Variants in CDH13 observed in about 807,000 individuals in gnomAD.
CDH13 encodes the protein cadherin 13.
A neutral mutation model predicts 63.8 loss-of-function variants in CDH13; 24 were observed. The observed-to-expected ratio is 0.38, with a 90% confidence interval of 0.27 to 0.53. CDH13 has a LOEUF of 0.53. Among genes scored for constraint, CDH13 ranks in the 20% least tolerant of loss-of-function variants. The probability of loss-of-function intolerance (pLI) is 0.85; values close to 1 mark genes in which losing one functional copy is unlikely to be tolerated. For missense variants in CDH13, 1,049 were observed against 903.1 expected (o/e 1.16, Z -2.07); for synonymous variants, 503 against 355.3 (o/e 1.42, Z -4.67).
chr16:82,990,616 G>T (rs1284631133), intron 2 of CDH13, among the ~76,000 whole-genome samples: 3 of 149,728 alleles, frequency 2.0e-5, no homozygotes. Flanking sequence ...GCACAATCAC[G>T]GCTCACTGCC....
chr16:83,273,630 A>G (rs2088893375), intron 5 of CDH13, among the ~76,000 whole-genome samples: 1 of 152,214 alleles, frequency 6.6e-6, no homozygotes, highest in Non-Finnish European at 1.5e-5. Flanking sequence ...AGAAGCCAAC[A>G]GGGAGGCCCA....
chr16:83,667,366 C>T (rs764591472), intron 8 of CDH13, among the ~76,000 whole-genome samples: 10 of 152,014 alleles, frequency 6.6e-5, no homozygotes, highest in African/African-American at 2.2e-4. Flanking sequence ...TTATACATGG[C>T]CTAAATATTA....
Position 82,926,311 on chromosome 16 carries a change from A to T in CDH13, c.157+67838A>T, listed in dbSNP as rs9930035. On this transcript the variant is annotated intron_variant, in intron 2 of 13. Transcript: ENST00000567109. ...AAAAAAAAAAAGAAAAAAAAAGGCC[A>T]GAAGACCATTGTTTTGCAGATCTCT... Among the ~76,000 whole-genome samples, 1,071 of 151,730 alleles carry T rather than the reference A, an allele frequency of 7.1e-3. 11 individuals carry two copies. The highest frequency in any genetic ancestry group is 0.024 in the African/African-American group (1,008 of 41,438).
At chr16:82,879,426 T>C (rs2040616613) in intron 2 of CDH13, among the ~76,000 whole-genome samples, 1 of 148,274 alleles carries the variant, frequency 6.7e-6, no homozygotes, top group African/African-American at 2.5e-5. Context: ...ACATACTGTT[T>C]ATATATATAT....
intron 11 of CDH13, among the ~76,000 whole-genome samples, chr16:83,749,626 C>A (rs773493792): frequency 6.6e-6 from 1 of 152,142 alleles, no homozygotes; most frequent in African/African-American, 2.4e-5. Context: ...GAAACTGACA[C>A]GATGAAATAT....
chr16:82,885,672 G>A (rs1203356994), intron 2 of CDH13, among the ~76,000 whole-genome samples: 1 of 151,892 alleles, frequency 6.6e-6, no homozygotes, highest in Non-Finnish European at 1.5e-5. Context: ...AGAAATAATA[G>A]TATCTTTAAA....
chr16:83,298,285 A>G (rs1488912614), intron 5 of CDH13, among the ~76,000 whole-genome samples: 1 of 152,110 alleles, frequency 6.6e-6, no homozygotes, highest in African/African-American at 2.4e-5. Flanking sequence ...TGAGAAAAGA[A>G]AAAGAAAAGG....
intron 7 of CDH13, among the ~76,000 whole-genome samples, chr16:83,574,301 A>G (rs543600952): frequency 1.3e-5 from 2 of 152,276 alleles, no homozygotes; most frequent in African/African-American, 2.4e-5. Context: ...GTGCTCATGC[A>G]CTTGAGCTTG....
chr16:83,502,160 C>T (rs1452194163), intron 7 of CDH13, among the ~76,000 whole-genome samples: 1 of 152,078 alleles, frequency 6.6e-6, no homozygotes, highest in Non-Finnish European at 1.5e-5. Context: ...AAATATGTTA[C>T]CTTACAGGGC....
chr16:82,787,576 G>A (rs1444203888), intron 1 of CDH13, among the ~76,000 whole-genome samples: 1 of 152,130 alleles, frequency 6.6e-6, no homozygotes, highest in African/African-American at 2.4e-5. Flanking sequence ...TTGTATGCTA[G>A]ACATATGCAT....
chr16:83,228,494 A>G (rs931791784), intron 5 of CDH13, among the ~76,000 whole-genome samples: 1 of 152,220 alleles, frequency 6.6e-6, no homozygotes, highest in African/African-American at 2.4e-5. Flanking sequence ...AGCTGGGGCA[A>G]TGATTTGCAA....
intron 10 of CDH13, among the ~76,000 whole-genome samples, chr16:83,712,297 C>T (rs1239795352): frequency 2.0e-5 from 3 of 152,146 alleles, no homozygotes; most frequent in Non-Finnish European, 2.9e-5. Context: ...GCCGCCAGAG[C>T]ACTGGGGGCT....
intron 1 of CDH13, among the ~76,000 whole-genome samples, chr16:82,814,572 G>C (rs2037608523): frequency 1.3e-5 from 2 of 152,140 alleles, no homozygotes; most frequent in African/African-American, 4.8e-5. Flanking sequence ...TGCCCACAGA[G>C]GGCATGGAAG....
chr16:83,282,834 T>C (rs1001706933), intron 5 of CDH13, among the ~76,000 whole-genome samples: 1 of 152,234 alleles, frequency 6.6e-6, no homozygotes, highest in African/African-American at 2.4e-5. Context: ...AAGCATATTT[T>C]CATCCTGTTA....
intron 6 of CDH13, among the ~76,000 whole-genome samples, chr16:83,468,582 A>G (rs964464305): frequency 2.6e-5 from 4 of 151,710 alleles, no homozygotes; most frequent in African/African-American, 9.7e-5. Context: ...AACTGAGGAG[A>G]CAGAAACCCA....
chr16:83,110,986 A>T (rs1266100495), intron 3 of CDH13, among the ~76,000 whole-genome samples: 1 of 118,856 alleles, frequency 8.4e-6, no homozygotes, highest in Non-Finnish European at 1.7e-5. Flanking sequence ...CCCTAAATGT[A>T]TGTATTAGGT....
intron 2 of CDH13, among the ~76,000 whole-genome samples, chr16:82,872,356 C>G (rs1039093544): frequency 2.6e-5 from 4 of 152,200 alleles, no homozygotes; most frequent in African/African-American, 7.2e-5. Context: ...AGTGTCTTCA[C>G]TCACTTGGTT....
At chr16:83,039,344 G>A (rs1917138804) in intron 3 of CDH13, among the ~76,000 whole-genome samples, 1 of 152,086 alleles carries the variant, frequency 6.6e-6, no homozygotes, top group Non-Finnish European at 1.5e-5. Flanking sequence ...CTTCTTTCAA[G>A]TCTCATTCCT....
chr16:83,455,647 C>T (rs1158981498), intron 6 of CDH13, among the ~76,000 whole-genome samples: 1 of 152,178 alleles, frequency 6.6e-6, no homozygotes, highest in African/African-American at 2.4e-5. Flanking sequence ...CCCTAGATCT[C>T]TAAGAACCTT....
Sources: allele counts gnomAD v4.1 joint callset (sites outside exome capture counted in the v4.1 genomes callset), GRCh38; gene constraint gnomAD v4.1.1; transcripts MANE v1.5; gene names NCBI Gene and HGNC (gene_info 2026-07-23, HGNC 2026-07-21).